The following RBFOX1 variants were observed in gnomAD, a reference collection of about 807,000 sequenced individuals.
RBFOX1 encodes RNA binding protein fox-1 homolog 1.
Under a neutral mutation model 57.7 loss-of-function variants are expected in RBFOX1, and 8 were observed. The ratio of observed to expected loss-of-function variants is 0.14; its 90% CI spans 0.08 to 0.25. The LOEUF is 0.25. Among genes scored for constraint, RBFOX1 ranks in the 10% least tolerant of loss-of-function variants. The pLI, the probability that RBFOX1 is intolerant of heterozygous loss-of-function variation, is 1.00. For synonymous variants in RBFOX1, 326 were observed against 222.4 expected (o/e 1.47, Z -4.15); for missense variants, 611 against 548.5 (o/e 1.11, Z -1.14).
At chr16:5,549,933 G>A (rs937414781) in intron 2 of RBFOX1, among the ~76,000 whole-genome samples, 1 of 152,144 alleles carries the variant, frequency 6.6e-6, no homozygotes, top group African/African-American at 2.4e-5. Context: ...GTTGCTGGTA[G>A]ATGTTTGCAT....
intron 4 of RBFOX1, among the ~76,000 whole-genome samples, chr16:7,258,968 A>T (rs1267076680): frequency 1.3e-5 from 2 of 152,204 alleles, no homozygotes; most frequent in Non-Finnish European, 2.9e-5. Context: ...CACCTATGAC[A>T]TATTGCATAC....
At chr16:6,004,652 A>C (rs184436021) in intron 4 of RBFOX1, among the ~76,000 whole-genome samples, 30 of 152,202 alleles carry the variant, frequency 2.0e-4, no homozygotes, top group African/African-American at 5.8e-4. Context: ...TTCTCTCTCC[A>C]GAATGGTCTA....
chr16:7,467,361 C>G (rs1001292802), intron 4 of RBFOX1, among the ~76,000 whole-genome samples: 24 of 152,088 alleles, frequency 1.6e-4, no homozygotes, highest in African/African-American at 5.6e-4. Flanking sequence ...TAAGGTCAAC[C>G]AGATTTTATC....
chr16:6,056,311 G>C (rs750911710), intron 1 of RBFOX1, among the ~76,000 whole-genome samples: 2 of 152,170 alleles, frequency 1.3e-5, no homozygotes, highest in African/African-American at 4.8e-5. Context: ...TTTCAAGTGA[G>C]GTTTTGGAAT....
At chr16:6,712,340 C>T (rs17141044) in intron 3 of RBFOX1, among the ~76,000 whole-genome samples, 4,371 of 152,158 alleles carry the variant, frequency 0.029, 202 homozygotes, top group African/African-American at 0.098. Flanking sequence ...CATGTGTGCC[C>T]GAGACCACGT....
intron 3 of RBFOX1, among the ~76,000 whole-genome samples, chr16:6,733,521 A>G (rs8047468): frequency 0.93 from 141,279 of 152,242 alleles, 66,546 homozygotes; most frequent in East Asian, 1. Context: ...CAACATTTTT[A>G]TAATGAACCA....
chr16:6,606,920 G>A (rs2097939724), intron 2 of RBFOX1, among the ~76,000 whole-genome samples: 1 of 152,142 alleles, frequency 6.6e-6, no homozygotes, highest in Non-Finnish European at 1.5e-5. Context: ...CTGAATCTTT[G>A]AGGAATCACC....
chr16:6,529,853 A>T (rs973543311), intron 2 of RBFOX1, among the ~76,000 whole-genome samples: 2 of 152,104 alleles, frequency 1.3e-5, no homozygotes. Flanking sequence ...AGTTTATTGA[A>T]CAGAGTCAGC....
intron 4 of RBFOX1, among the ~76,000 whole-genome samples, chr16:7,492,854 C>A (rs1028517311): frequency 2.0e-5 from 3 of 152,116 alleles, no homozygotes; most frequent in Non-Finnish European, 2.9e-5. Context: ...TGAGACCTCC[C>A]CAGAAGCCAA....
intron 3 of RBFOX1, among the ~76,000 whole-genome samples, chr16:6,989,015 G>A (rs60402854): frequency 1.5e-3 from 224 of 151,998 alleles, no homozygotes; most frequent in African/African-American, 5.0e-3. Flanking sequence ...CACCCCCCTC[G>A]GACTCCCAAA....
intron 2 of RBFOX1, among the ~76,000 whole-genome samples, chr16:6,541,912 C>T (rs1347640122): frequency 6.6e-6 from 1 of 151,886 alleles, no homozygotes; most frequent in Non-Finnish European, 1.5e-5. Flanking sequence ...AGGTAGTGTT[C>T]ACTGCTTTAG....
intron 14 of RBFOX1, among the ~76,000 whole-genome samples, chr16:7,685,097 C>A (rs571166538): frequency 1.3e-5 from 2 of 151,996 alleles, no homozygotes; most frequent in Non-Finnish European, 2.9e-5. Context: ...AAACCCCAGT[C>A]CCAGCCGTGC....
chr16:6,273,427 C>G (rs1301589433), intron 1 of RBFOX1, among the ~76,000 whole-genome samples: 7 of 146,634 alleles, frequency 4.8e-5, no homozygotes, highest in Non-Finnish European at 8.9e-5. Flanking sequence ...TCACTGCAAC[C>G]TCTGCCTCCT....
At chr16:5,907,598 C>G (rs1367209197) in intron 4 of RBFOX1, among the ~76,000 whole-genome samples, 1 of 152,104 alleles carries the variant, frequency 6.6e-6, no homozygotes, top group Non-Finnish European at 1.5e-5. Flanking sequence ...CATAAGTACT[C>G]ATTTAAGTCT....
intron 3 of RBFOX1, among the ~76,000 whole-genome samples, chr16:5,748,258 G>T (rs1208910747): frequency 6.6e-6 from 1 of 152,036 alleles, no homozygotes; most frequent in Non-Finnish European, 1.5e-5. Context: ...TATAATTTCT[G>T]TTCTTTTACA....
chr16:5,433,573 G>C (rs2067819068), intron 1 of RBFOX1, among the ~76,000 whole-genome samples: 1 of 152,056 alleles, frequency 6.6e-6, no homozygotes, highest in Admixed American at 6.5e-5. Flanking sequence ...CAAAGAGAGG[G>C]ACACAAAGAG....
At chr16:7,585,550 C>T (rs562549782) in intron 6 of RBFOX1, among the ~76,000 whole-genome samples, 124 of 152,208 alleles carry the variant, frequency 8.1e-4, no homozygotes, top group South Asian at 3.3e-3. Context: ...GAAATATGTG[C>T]GTCTGTGATT....
At chr16:6,900,431 T>C (rs1055196494) in intron 3 of RBFOX1, among the ~76,000 whole-genome samples, 7 of 152,234 alleles carry the variant, frequency 4.6e-5, no homozygotes, top group Non-Finnish European at 8.8e-5. Context: ...TACCACTATC[T>C]GCTCTCCCAC....
At chr16:5,819,227 T>A (rs532486970) in intron 3 of RBFOX1, among the ~76,000 whole-genome samples, 1 of 152,286 alleles carries the variant, frequency 6.6e-6, no homozygotes, top group South Asian at 2.1e-4. Context: ...TAGATGGCCG[T>A]CTTTTCAATG....
Sources: allele counts gnomAD v4.1 joint callset (sites outside exome capture counted in the v4.1 genomes callset), GRCh38; gene constraint gnomAD v4.1.1; transcripts MANE v1.5; gene names NCBI Gene and HGNC (gene_info 2026-07-23, HGNC 2026-07-21).